TRDN: variants seen among roughly 807,000 people sequenced by gnomAD.
The protein encoded by TRDN is triadin in skeletal muscle.
A neutral mutation model predicts 149.7 loss-of-function variants in TRDN; 161 were observed. The ratio of observed to expected loss-of-function variants is 1.08; its 90% CI spans 0.95 to 1.23. TRDN has a LOEUF of 1.23. TRDN is among the 50% of genes most tolerant of loss of function. The pLI, the probability that TRDN is intolerant of heterozygous loss-of-function variation, is 0.00. For missense variants in TRDN, 896 were observed against 823.5 expected (o/e 1.09, Z -1.08); for synonymous variants, 294 against 250.5 (o/e 1.17, Z -1.64).
intron 26 of TRDN, 21 bp downstream of exon 26, chr6:123,278,297 G>A: frequency 3.9e-6 from 5 of 1,268,506 alleles, no homozygotes; most frequent in South Asian, 1.4e-5. Flanking sequence ...TCATATATGT[G>A]TATAAATAAA....
intron 1 of TRDN, among the ~76,000 whole-genome samples, chr6:123,621,090 G>A (rs754517530): frequency 6.6e-6 from 1 of 152,070 alleles, no homozygotes; most frequent in African/African-American, 2.4e-5. Context: ...ATGAGGACAT[G>A]ACATTCAATC....
chr6:123,375,268 G>A (rs566187175), intron 19 of TRDN, among the ~76,000 whole-genome samples: 1 of 152,230 alleles, frequency 6.6e-6, no homozygotes, highest in African/African-American at 2.4e-5. Flanking sequence ...TTGCCTACTG[G>A]TTTGATCAAC....
At chr6:123,276,494 C>T (rs1777371596) in intron 26 of TRDN, among the ~76,000 whole-genome samples, 1 of 152,126 alleles carries the variant, frequency 6.6e-6, no homozygotes, top group South Asian at 2.1e-4. Flanking sequence ...AAGAAAGATA[C>T]ACATAAATTG....
chr6:123,630,001 G>C (rs1217445843), intron 1 of TRDN, among the ~76,000 whole-genome samples: 1 of 151,966 alleles, frequency 6.6e-6, no homozygotes, highest in African/African-American at 2.4e-5. Flanking sequence ...AACCAAGCCT[G>C]TCATTCGTAT....
intron 10 of TRDN, among the ~76,000 whole-genome samples, chr6:123,449,262 T>G (rs1775617505): frequency 6.6e-6 from 1 of 152,152 alleles, no homozygotes; most frequent in Non-Finnish European, 1.5e-5. Context: ...AGTTAGGTTA[T>G]TAAGCTAATC....
chr6:123,528,825 T>C, intron 5 of TRDN: 1 of 1,001,560 alleles, frequency 1.0e-6, no homozygotes, highest in South Asian at 4.3e-5. Context: ...AAACATAAGC[T>C]CTCTCTGATT....
At chr6:123,439,349 A>C (rs1192607681) in intron 10 of TRDN, among the ~76,000 whole-genome samples, 1 of 152,214 alleles carries the variant, frequency 6.6e-6, no homozygotes, top group African/African-American at 2.4e-5. Context: ...AAATTAAAAT[A>C]TATTTCTTGG....
intron 9 of TRDN, among the ~76,000 whole-genome samples, chr6:123,473,748 G>A (rs374455284): frequency 0.014 from 2,161 of 151,752 alleles, 50 homozygotes; most frequent in East Asian, 0.091. Context: ...CGGATCTCTC[G>A]GCAGAAACCC....
rs9490738 is a variant in TRDN, at chr6:123,378,422, G to A, written c.1187-524C>T. Reference sequence around the variant, plus strand: ...GGCCTCCCAGGTAGCTGGGATTACAGGCACACACCACCATGTGTAGCCAGA... The same window carrying A: ...GGCCTCCCAGGTAGCTGGGATTACAAGCACACACCACCATGTGTAGCCAGA... On this transcript the variant is annotated intron_variant, in intron 16 of 40. Transcript: ENST00000334268. Among the ~76,000 whole-genome samples the A allele has an allele frequency of 6.9e-3, 1,041 of 151,366 alleles. 10 individuals are homozygous for A. The highest frequency in any genetic ancestry group is 0.024 in the African/African-American group (990 of 41,224).
chr6:123,439,271 G>A (rs1774746381), intron 10 of TRDN, among the ~76,000 whole-genome samples: 1 of 152,078 alleles, frequency 6.6e-6, no homozygotes, highest in Non-Finnish European at 1.5e-5. Context: ...TACAAATAAT[G>A]AATGTGATAG....
At chr6:123,513,671 A>C (rs1779281295) in intron 6 of TRDN, among the ~76,000 whole-genome samples, 2 of 152,278 alleles carry the variant, frequency 1.3e-5, no homozygotes, top group East Asian at 3.9e-4. Flanking sequence ...TAAGAAAATA[A>C]ACATGAAGAA....
intron 24 of TRDN, among the ~76,000 whole-genome samples, chr6:123,305,186 T>C (rs561176982): frequency 7.2e-4 from 110 of 152,204 alleles, no homozygotes; most frequent in Middle Eastern, 6.8e-3. Flanking sequence ...ATTCTTACAA[T>C]AAGTAAATAA....
chr6:123,510,886 C>A (rs1779151368), intron 7 of TRDN, among the ~76,000 whole-genome samples: 1 of 152,124 alleles, frequency 6.6e-6, no homozygotes, highest in East Asian at 1.9e-4. Context: ...TCAAGTGATT[C>A]ACCGGCCTCG....
At chr6:123,375,773 G>A in intron 18 of TRDN, 142 bp from the exon 19 acceptor site, 2 of 611,464 alleles carry the variant, frequency 3.3e-6, no homozygotes, top group Non-Finnish European at 5.2e-6. Flanking sequence ...TCTGAGAAAA[G>A]GAAAATATAA....
intron 24 of TRDN, among the ~76,000 whole-genome samples, chr6:123,289,564 T>C (rs1777925271): frequency 6.6e-6 from 1 of 152,096 alleles, no homozygotes; most frequent in Non-Finnish European, 1.5e-5. Context: ...TAGCGTGCCA[T>C]GTCAATTTAC....
At chr6:123,566,920 C>A (rs1782323287) in intron 2 of TRDN, among the ~76,000 whole-genome samples, 1 of 152,070 alleles carries the variant, frequency 6.6e-6, no homozygotes, top group African/African-American at 2.4e-5. Flanking sequence ...CAGAAATTAT[C>A]ATTGAAAGGA....
intron 12 of TRDN, among the ~76,000 whole-genome samples, chr6:123,419,284 T>C (rs1228171417): frequency 6.6e-6 from 1 of 152,098 alleles, no homozygotes; most frequent in African/African-American, 2.4e-5. Context: ...AAAATAGAAA[T>C]CTGAGAGGAA....
intron 10 of TRDN, among the ~76,000 whole-genome samples, chr6:123,447,193 A>G (rs1313148068): frequency 1.3e-5 from 2 of 152,190 alleles, no homozygotes; most frequent in Non-Finnish European, 2.9e-5. Context: ...ACAACAAACA[A>G]CTAACAAGCA....
rs146951399 is a variant in TRDN at position 123,410,858 on chromosome 6, C to A, written c.1052-17181G>T. On this transcript the variant is annotated intron_variant, in intron 12 of 40. Coordinates refer to ENST00000334268, the MANE Select transcript of TRDN (RefSeq NM_006073.4). ...TGTGTTAATATATTTCTAAATTTTG[C>A]TTCACAAATACATAACAAAATGACA... Among the ~76,000 whole-genome samples, 1,021 of 151,874 alleles carry A rather than the reference C, an allele frequency of 6.7e-3. 4 individuals are homozygous for A. Among genetic ancestry groups the A allele is most frequent in the Non-Finnish European group, 0.01 (702 of 67,942 alleles).
Sources: gnomAD v4.1 joint callset for allele counts (sites outside exome capture counted in the v4.1 genomes callset) on GRCh38, gnomAD v4.1.1 for gene constraint, MANE v1.5 for transcripts, NCBI Gene and HGNC (gene_info 2026-07-23, HGNC 2026-07-21) for gene names.